CACNA1S: variants seen among roughly 807,000 people sequenced by gnomAD.
CACNA1S encodes voltage-dependent L-type calcium channel subunit alpha-1S.
CACNA1S carries 126 observed loss-of-function variants against 207.4 expected under a neutral mutation model. The observed-to-expected ratio is 0.61, with a 90% CI of 0.53 to 0.70. The LOEUF is 0.70. CACNA1S is among the 30% of genes least tolerant of loss of function. The pLI, the probability that CACNA1S is intolerant of heterozygous loss-of-function variation, is 0.00. For missense variants in CACNA1S, 2,349 were observed against 2,422.8 expected (o/e 0.97, Z 0.64); for synonymous variants, 960 against 932.7 (o/e 1.03, Z -0.53).
In CACNA1S at chr1:201,050,454, G is replaced by C. The variant is rs200935259; in HGVS notation, c.4176C>G (p.Ser1392=). 32 of 1,614,092 alleles carry C rather than the reference G, an allele frequency of 2.0e-5. No individual in the cohort carries two copies. In the African/African-American group the frequency reaches 4.0e-4, roughly 20 times the overall value. The part of the protein sequence containing the change: ...DNFDYLTRDW[S]ILGPHHLDEF... The stretch of plus-strand genomic sequence containing the variant: ...CATCCAGGTGATGAGGGCCCAGGAT[G>C]GACCAGTCCCGGGTGAGGTAGTCAA... Residue 1392 remains serine, a synonymous_variant, in exon 34 of 44, where the codon TCC becomes TCG. Coordinates refer to ENST00000362061, the MANE Select transcript of CACNA1S (RefSeq NM_000069.3).
At chr1:201,111,419 ACC>A (rs968888734) in intron 1 of CACNA1S, among the ~76,000 whole-genome samples, 48 of 151,904 alleles carry the variant, frequency 3.2e-4, no homozygotes, top group African/African-American at 1.1e-3. Flanking sequence ...TCCCCAAATA[ACC>A]CAGATATTTT....
chr1:201,087,148 A>T, intron 7 of CACNA1S, among the ~76,000 whole-genome samples: 1 of 152,196 alleles, frequency 6.6e-6, no homozygotes, highest in East Asian at 1.9e-4. Context: ...TCTCATTAAT[A>T]ATGACCATTA....
intron 2 of CACNA1S, among the ~76,000 whole-genome samples, chr1:201,109,610 T>G (rs1663025114): frequency 6.6e-6 from 1 of 152,182 alleles, no homozygotes; most frequent in African/African-American, 2.4e-5. Context: ...TTTTTGAATA[T>G]TCCTTCCAGC....
At chr1:201,096,764 GCAC>G (rs1488491521) in intron 2 of CACNA1S, among the ~76,000 whole-genome samples, 2 of 152,328 alleles carry the variant, frequency 1.3e-5, no homozygotes, top group African/African-American at 4.8e-5. Context: ...TGCCTGGCAT[GCAC>G]CAAATGCTGA....
chr1:201,085,122 A>AC (rs1661988309), intron 8 of CACNA1S, 91 bp from the exon 9 acceptor site: 1 of 908,250 alleles, frequency 1.1e-6, no homozygotes, highest in Admixed American at 1.8e-5. Flanking sequence ...GGGCCCATTG[A>AC]CCAGAGACAT....
At chr1:201,092,874 A>G (rs1662289417) in intron 3 of CACNA1S, among the ~76,000 whole-genome samples, 1 of 152,242 alleles carries the variant, frequency 6.6e-6, no homozygotes, top group East Asian at 1.9e-4. Context: ...GAAGGACAGC[A>G]TACTGGTTGA....
chr1:201,040,334 C>A lies in CACNA1S; in HGVS notation c.5267G>T (p.Ser1756Ile). The A allele has an allele frequency of 6.2e-7, 1 of 1,613,872 alleles. No homozygotes were observed. The highest frequency in any genetic ancestry group is 8.5e-7 in the Non-Finnish European group (1 of 1,179,938). The change falls in exon 43 of 44, where the codon AGC (serine) becomes ATC (isoleucine). Residue 1756 changes from serine (S) to isoleucine (I), a missense_variant. Ser to Ile is a moderately radical substitution (Grantham distance 142). Coordinates refer to ENST00000362061, the MANE Select transcript of CACNA1S (RefSeq NM_000069.3). ...CTCATGAAGAGACCCTGGTGTGGAG[C>A]TCTTTCTGTCCTCAGGCATGGAGGA... ...VESSMPEDRK[S>I]STPGSLHEET...
At chr1:201,043,606 G>GGTATTGGGAACAAGCAATA in intron 39 of CACNA1S, 75 bp from the exon 40 acceptor site, 1 of 1,325,654 alleles carries the variant, frequency 7.5e-7, no homozygotes, top group South Asian at 1.2e-5. Context: ...CTGGGACAGT[G>GGTATTGGGAACAAGCAATA]GTATTGGGAA....
chr1:201,069,628 G>A (rs1262770513), intron 17 of CACNA1S, 27 bp from the exon 18 acceptor site: 10 of 1,550,798 alleles, frequency 6.4e-6, no homozygotes, highest in Non-Finnish European at 8.7e-6. Flanking sequence ...GGGAGGGCAG[G>A]GGAGCTGTGA....
chr1:201,091,150 A>C (rs1159195432), intron 5 of CACNA1S, among the ~76,000 whole-genome samples: 1 of 152,164 alleles, frequency 6.6e-6, no homozygotes, highest in Non-Finnish European at 1.5e-5. Context: ...CTTCAGCTCA[A>C]ATATATCTGG....
intron 7 of CACNA1S, among the ~76,000 whole-genome samples, chr1:201,087,503 T>C (rs1266067819): frequency 6.6e-6 from 1 of 151,578 alleles, no homozygotes; most frequent in Non-Finnish European, 1.5e-5. Flanking sequence ...ACGGGAGGGG[T>C]GAGAATGGGG....
Position 201,073,578 on chromosome 1 carries a change from T to C in CACNA1S, c.2128A>G (p.Lys710Glu). 6.2e-7 allele frequency: 1 copy of C among 1,614,174 alleles called. No homozygotes were observed. The highest frequency in any genetic ancestry group is 8.5e-7 in the Non-Finnish European group (1 of 1,180,002). Residue 710 changes from lysine (K) to glutamate (E), a missense_variant, in exon 15 of 44, where the codon AAG (lysine) becomes GAG (glutamate). Coordinates refer to ENST00000362061, the MANE Select transcript of CACNA1S (RefSeq NM_000069.3). ...TMAKKLEQKP[K>E]GEGIPTTAKL... ...GCAGTGGTGGGGATGCCCTCACCCT[T>C]GGGTTTCTGCTCCAGCTTCTTGGCC...
chr1:201,056,126 C>A (rs1373098603), intron 28 of CACNA1S, among the ~76,000 whole-genome samples: 2 of 148,940 alleles, frequency 1.3e-5, no homozygotes, highest in Non-Finnish European at 3.0e-5. Context: ...TCAGAGCCCA[C>A]CCTGCCCCTC....
In CACNA1S at chr1:201,041,485, A is replaced by AT. The variant is rs1296223008; in HGVS notation, c.5134+18dup. On this transcript the variant is annotated intron_variant, in intron 41 of 43. Coordinates refer to ENST00000362061, the MANE Select transcript of CACNA1S (RefSeq NM_000069.3). The stretch of plus-strand genomic sequence containing the variant: ...CTGGGAGAAGACTCAAGCTTCTTAG[A>AT]TGCACAGAAGGGACTGACCCAGGAC... 6.3e-7 allele frequency: 1 copy of AT among 1,595,828 alleles called. No homozygotes were observed. Among genetic ancestry groups the AT allele is most frequent in the Non-Finnish European group, 8.6e-7 (1 of 1,163,710 alleles).
intron 43 of CACNA1S, 74 bp from the exon 44 acceptor site, chr1:201,040,156 A>G: frequency 6.2e-7 from 1 of 1,611,656 alleles, no homozygotes; most frequent in South Asian, 1.1e-5. Flanking sequence ...TGTTGGCCCT[A>G]CCCTCTCTCC....
intron 14 of CACNA1S, among the ~76,000 whole-genome samples, 178 bp downstream of exon 14, chr1:201,074,328 C>G (rs1374914166): frequency 1.3e-5 from 2 of 152,220 alleles, no homozygotes; most frequent in Non-Finnish European, 2.9e-5. Flanking sequence ...TCTGTTCTTG[C>G]CCCCAGGGAA....
In CACNA1S at chr1:201,112,279, G is replaced by T; in HGVS notation, c.61C>A (p.Pro21Thr). 6.2e-7 allele frequency: 1 copy of T among 1,613,986 alleles called. No homozygotes were observed. Among genetic ancestry groups the T allele is most frequent in the Non-Finnish European group, 8.5e-7 (1 of 1,179,988 alleles). The part of the protein sequence containing the change: ...LRKKQPKKPV[P>T]EILPRPPRAL... ...CGGGGTGGCCTTGGCAGAATCTCAG[G>T]AACTGGCTTCTTGGGCTGTTTCTTC... Residue 21 changes from proline (P) to threonine (T), a missense_variant, in exon 1 of 44, where the codon CCT becomes ACT. Physicochemically the swap from Pro to Thr is conservative, Grantham distance 38. Transcript: ENST00000362061.
At chr1:201,061,198 C>G in intron 25 of CACNA1S, 69 bp downstream of exon 25, 2 of 1,433,674 alleles carry the variant, frequency 1.4e-6, no homozygotes, top group Non-Finnish European at 2.0e-6. Flanking sequence ...CCTGGCTGAA[C>G]CTAGGGCTTG....
Position 201,043,537 on chromosome 1 carries a change from G to C in CACNA1S, c.4798-6C>G. On this transcript the variant is annotated splice_polypyrimidine_tract_variant and splice_region_variant and intron_variant, in intron 39 of 43. Transcript: ENST00000362061. ...CCAAACAGGCCTCCAGTCCTCTAGG[G>C]GCAAGGAGAAGAGCAGTGACTGGGG... 1 of 1,613,956 alleles carries C rather than the reference G, an allele frequency of 6.2e-7. No individual in the cohort carries two copies. The highest frequency in any genetic ancestry group is 8.5e-7 in the Non-Finnish European group (1 of 1,179,992).
Sources: allele counts gnomAD v4.1 joint callset (sites outside exome capture counted in the v4.1 genomes callset), GRCh38; gene constraint gnomAD v4.1.1; transcripts MANE v1.5; gene names NCBI Gene and HGNC (gene_info 2026-07-23, HGNC 2026-07-21).